The following NRXN1 variants were observed in gnomAD, a reference collection of about 807,000 sequenced individuals.
NRXN1 encodes neurexin-1.
A neutral mutation model predicts 150.9 loss-of-function variants in NRXN1; 39 were observed. The observed-to-expected ratio is 0.26, with a 90% confidence interval of 0.20 to 0.34. The LOEUF is 0.34. Among genes scored for constraint, NRXN1 ranks in the 10% least tolerant of loss-of-function variants. NRXN1 has a pLI of 1.00. For synonymous variants in NRXN1, 924 were observed against 757.0 expected (o/e 1.22, Z -3.62); for missense variants, 1,815 against 1,949.9 (o/e 0.93, Z 1.30).
chr2:50,667,900 A>G (rs11884611), intron 5 of NRXN1, among the ~76,000 whole-genome samples: 4,007 of 152,094 alleles, frequency 0.026, 180 homozygotes, highest in African/African-American at 0.091. Context: ...CATTACTTAC[A>G]TTTGTATAAT....
At chr2:50,642,898 C>T (rs1257615426) in intron 5 of NRXN1, among the ~76,000 whole-genome samples, 2 of 151,920 alleles carry the variant, frequency 1.3e-5, no homozygotes, top group Admixed American at 6.6e-5. Flanking sequence ...GTTTGTTTTA[C>T]ACTACCTGTC....
chr2:49,983,717 A>G (rs1457820719), intron 21 of NRXN1, among the ~76,000 whole-genome samples: 1 of 152,216 alleles, frequency 6.6e-6, no homozygotes, highest in African/African-American at 2.4e-5. Context: ...CCTGTGGAGA[A>G]CACAGCATGT....
intron 5 of NRXN1, among the ~76,000 whole-genome samples, chr2:50,701,982 G>A (rs1036071674): frequency 6.6e-6 from 1 of 151,952 alleles, no homozygotes; most frequent in Non-Finnish European, 1.5e-5. Context: ...ATAATCATTG[G>A]TAATAACTTC....
At chr2:50,398,085 A>C (rs1241323113) in intron 17 of NRXN1, among the ~76,000 whole-genome samples, 1 of 152,174 alleles carries the variant, frequency 6.6e-6, no homozygotes, top group Admixed American at 6.6e-5. Flanking sequence ...CACACGTTTC[A>C]GAGGCTGTGA....
chr2:50,492,812 G>T (rs1370814440), intron 15 of NRXN1, among the ~76,000 whole-genome samples: 1 of 152,140 alleles, frequency 6.6e-6, no homozygotes, highest in Non-Finnish European at 1.5e-5. Flanking sequence ...GCAAAACCAG[G>T]ATTTATACAA....
At chr2:50,029,315 T>G (rs2152566244) in intron 21 of NRXN1, among the ~76,000 whole-genome samples, 1 of 152,280 alleles carries the variant, frequency 6.6e-6, no homozygotes, top group South Asian at 2.1e-4. Context: ...GTTTATACCA[T>G]TTTGTTATAG....
chr2:50,979,693 C>T (rs1422159712), intron 2 of NRXN1, among the ~76,000 whole-genome samples: 1 of 152,080 alleles, frequency 6.6e-6, no homozygotes, highest in Non-Finnish European at 1.5e-5. Flanking sequence ...TGTAAAACCC[C>T]ATGGATTCTC....
intron 18 of NRXN1, among the ~76,000 whole-genome samples, chr2:50,115,836 T>C (rs990169610): frequency 6.6e-6 from 1 of 152,082 alleles, no homozygotes; most frequent in Non-Finnish European, 1.5e-5. Flanking sequence ...TTCTGTTACA[T>C]AAGAATCATG....
chr2:50,831,239 T>C (rs1224641487), intron 5 of NRXN1, among the ~76,000 whole-genome samples: 1 of 152,204 alleles, frequency 6.6e-6, no homozygotes. Context: ...TACAACTTCA[T>C]GCAACAAGGA....
At chr2:50,749,072 G>T (rs1700302693) in intron 5 of NRXN1, among the ~76,000 whole-genome samples, 1 of 152,020 alleles carries the variant, frequency 6.6e-6, no homozygotes. Context: ...TCCATCCTCA[G>T]ATTTTCTTTT....
chr2:50,203,042 G>T (rs1367738890), intron 18 of NRXN1, among the ~76,000 whole-genome samples: 1 of 152,058 alleles, frequency 6.6e-6, no homozygotes, highest in African/African-American at 2.4e-5. Flanking sequence ...AAGATCTCCT[G>T]AAGTCTGAGA....
chr2:50,595,234 G>C (rs1360226116), intron 8 of NRXN1, among the ~76,000 whole-genome samples: 2 of 151,998 alleles, frequency 1.3e-5, no homozygotes, highest in African/African-American at 2.4e-5. Context: ...TTCTTAGGCT[G>C]TGACCTGATT....
At chr2:50,757,287 G>C (rs752923206) in intron 5 of NRXN1, among the ~76,000 whole-genome samples, 3 of 151,758 alleles carry the variant, frequency 2.0e-5, no homozygotes, top group Non-Finnish European at 4.4e-5. Context: ...CCGCCACACA[G>C]AGAGTGAGGC....
chr2:50,279,647 T>C (rs1163888121), intron 17 of NRXN1, among the ~76,000 whole-genome samples: 3 of 152,180 alleles, frequency 2.0e-5, no homozygotes, highest in African/African-American at 7.2e-5. Flanking sequence ...ACTGAAAATG[T>C]GCTCTGTGAT....
rs908209604 is a variant in NRXN1 at position 50,108,857 on chromosome 2, A to C, written c.3547-17363T>G. On this transcript the variant is annotated intron_variant, in intron 18 of 22. Transcript: ENST00000401669. ...ACAGGAAATAAAAATAACAGTTTAA[A>C]TTATTGATAGAGAAGAAAACAAAAA... Among the ~76,000 whole-genome samples the C allele has an allele frequency of 7.2e-5, 11 of 152,256 alleles. No homozygotes were observed. The East Asian group carries it at 2.1e-3, about 29-fold the overall frequency.
chr2:50,463,048 T>C (rs1245885427), intron 17 of NRXN1, among the ~76,000 whole-genome samples: 1 of 151,754 alleles, frequency 6.6e-6, no homozygotes, highest in East Asian at 1.9e-4. Context: ...AAACTAGAGA[T>C]GAAAATTTCA....
At chr2:49,936,340 C>T (rs1397349476) in intron 22 of NRXN1, among the ~76,000 whole-genome samples, 1 of 152,196 alleles carries the variant, frequency 6.6e-6, no homozygotes, top group Non-Finnish European at 1.5e-5. Context: ...TGAGCGACCT[C>T]ACTACAAGGC....
chr2:50,497,554 G>T lies in NRXN1; in HGVS notation c.2658C>A (p.Gly886=). Residue 886 remains glycine, a synonymous_variant, in exon 14 of 23, where the codon GGC becomes GGA. Coordinates refer to ENST00000401669, the MANE Select transcript of NRXN1 (RefSeq NM_001330078.2). ...GMAYIDLCKN[G]DIDYCELNAR... ...CATTAAGCTCACAGTAATCTATGTC[G>T]CCATTTTTACACAGGTCAATGTATG... is the stretch of plus-strand genomic sequence containing the variant. 6.2e-7 allele frequency: 1 copy of T among 1,613,788 alleles called. No individual in the cohort carries two copies. Among genetic ancestry groups the T allele is most frequent in the Non-Finnish European group, 8.5e-7 (1 of 1,179,820 alleles).
intron 17 of NRXN1, among the ~76,000 whole-genome samples, chr2:50,274,214 A>C (rs886080227): frequency 3.9e-5 from 6 of 152,210 alleles, no homozygotes; most frequent in African/African-American, 1.4e-4. Context: ...AGATGAGTTC[A>C]TGCCCTTCAC....
Sources: allele counts gnomAD v4.1 joint callset (sites outside exome capture counted in the v4.1 genomes callset), GRCh38; gene constraint gnomAD v4.1.1; transcripts MANE v1.5; gene names NCBI Gene and HGNC (gene_info 2026-07-23, HGNC 2026-07-21).